The following EXOC4 variants were observed in gnomAD, a reference collection of about 807,000 sequenced individuals.
The protein encoded by EXOC4 is exocyst complex component 4, also known as SEC8-like 1.
EXOC4 carries 71 observed loss-of-function variants against 107.2 expected under a neutral mutation model. The ratio of observed to expected loss-of-function variants is 0.66; its 90% CI spans 0.55 to 0.81. The LOEUF (loss-of-function observed/expected upper bound fraction) is 0.81, where lower values mean the gene tolerates loss of function less well. Among genes scored for constraint, EXOC4 ranks in the 30% least tolerant of loss-of-function variants. The pLI, the probability that EXOC4 is intolerant of heterozygous loss-of-function variation, is 0.00. For missense variants in EXOC4, 1,108 were observed against 1,189.6 expected (o/e 0.93, Z 1.01); for synonymous variants, 456 against 441.2 (o/e 1.03, Z -0.42).
At chr7:133,483,845 T>C (rs1799212174) in intron 9 of EXOC4, among the ~76,000 whole-genome samples, 1 of 152,218 alleles carries the variant, frequency 6.6e-6, no homozygotes, top group South Asian at 2.1e-4. Flanking sequence ...TTTTCAGTTA[T>C]TCCATTAATG....
chr7:133,430,054 A>C (rs1452543500), intron 7 of EXOC4, among the ~76,000 whole-genome samples: 2 of 152,010 alleles, frequency 1.3e-5, no homozygotes, highest in Non-Finnish European at 1.5e-5. Context: ...TTGGTACCTG[A>C]GTTTTTGTCT....
chr7:133,619,939 C>T (rs1802284900), intron 9 of EXOC4, among the ~76,000 whole-genome samples: 1 of 151,778 alleles, frequency 6.6e-6, no homozygotes, highest in South Asian at 2.1e-4. Flanking sequence ...AATATTAATA[C>T]TTTCTTTCTC....
chr7:133,835,782 G>A (rs370858192), intron 11 of EXOC4, among the ~76,000 whole-genome samples: 6 of 152,026 alleles, frequency 3.9e-5, no homozygotes, highest in African/African-American at 9.6e-5. Flanking sequence ...TTATATTGTC[G>A]GCTTTTTATG....
At chr7:133,972,818 TG>T (rs1235230814) in intron 14 of EXOC4, among the ~76,000 whole-genome samples, 3 of 152,202 alleles carry the variant, frequency 2.0e-5, no homozygotes, top group African/African-American at 7.2e-5. Context: ...TCCCTGTTTT[TG>T]CCTTTGATCT....
chr7:134,068,595 G>T (rs770757148), downstream of EXOC4, among the ~76,000 whole-genome samples: 18 of 152,164 alleles, frequency 1.2e-4, no homozygotes, highest in Non-Finnish European at 1.9e-4. Context: ...TATAGGGGCT[G>T]TATCTTGCCC....
intron 9 of EXOC4, among the ~76,000 whole-genome samples, chr7:133,497,266 A>G (rs1006220394): frequency 6.6e-6 from 1 of 152,072 alleles, no homozygotes; most frequent in South Asian, 2.1e-4. Flanking sequence ...GAGATCATCA[A>G]TTTTTGTTTT....
chr7:133,390,885 C>A (rs1415801280), intron 7 of EXOC4, among the ~76,000 whole-genome samples: 1 of 152,128 alleles, frequency 6.6e-6, no homozygotes, highest in Non-Finnish European at 1.5e-5. Flanking sequence ...AGAAGGATGG[C>A]AAAATAAATG....
intron 9 of EXOC4, among the ~76,000 whole-genome samples, chr7:133,619,496 T>C (rs1007976332): frequency 6.6e-6 from 1 of 152,206 alleles, no homozygotes; most frequent in Non-Finnish European, 1.5e-5. Flanking sequence ...TGTTTTCAGT[T>C]TGAGGTTTAT....
chr7:133,778,205 G>T lies in EXOC4; in HGVS notation c.1515-39120G>T, dbSNP rs2542255. Reference sequence around the variant, plus strand: ...CTCCATCTCTTGATGCTTATCTTAGGGGGGGTAATTAGTGAGAAAAGAAAA... The same window carrying T: ...CTCCATCTCTTGATGCTTATCTTAGTGGGGGTAATTAGTGAGAAAAGAAAA... On this transcript the variant is annotated intron_variant, in intron 10 of 17. Coordinates refer to ENST00000253861, the MANE Select transcript of EXOC4 (RefSeq NM_021807.4). 8.5e-5 allele frequency among the ~76,000 whole-genome samples: 13 copies of T among 152,184 alleles called. 1 individual carries two copies. The South Asian group carries it at 1.2e-3, about 15-fold the overall frequency.
At chr7:133,907,032 A>G (rs1799582479) in intron 12 of EXOC4, among the ~76,000 whole-genome samples, 1 of 152,160 alleles carries the variant, frequency 6.6e-6, no homozygotes, top group Non-Finnish European at 1.5e-5. Context: ...GCCAGCCACC[A>G]TCTTGGGAGC....
At chr7:133,827,917 A>G (rs562626787) in intron 11 of EXOC4, among the ~76,000 whole-genome samples, 25 of 152,290 alleles carry the variant, frequency 1.6e-4, no homozygotes, top group Non-Finnish European at 2.6e-4. Context: ...AATGACATCA[A>G]TATAGGGATA....
intron 10 of EXOC4, among the ~76,000 whole-genome samples, chr7:133,761,914 C>T (rs1796040604): frequency 6.6e-6 from 1 of 152,174 alleles, no homozygotes; most frequent in Admixed American, 6.6e-5. Flanking sequence ...TGACATGAGA[C>T]TTCACTGAAG....
At chr7:133,330,601 GAA>G (rs1795359147) in intron 5 of EXOC4, among the ~76,000 whole-genome samples, 1 of 152,162 alleles carries the variant, frequency 6.6e-6, no homozygotes, top group Non-Finnish European at 1.5e-5. Flanking sequence ...AAGACTGTGA[GAA>G]AAGTTCAGTA....
At chr7:134,061,437 G>A (rs143313498) in intron 17 of EXOC4, among the ~76,000 whole-genome samples, 50 of 152,310 alleles carry the variant, frequency 3.3e-4, no homozygotes, top group African/African-American at 1.1e-3. Flanking sequence ...ACTGAGTCGT[G>A]GCTGGTTCAG....
chr7:133,634,477 TTTTG>T (rs1471429490), intron 10 of EXOC4, among the ~76,000 whole-genome samples: 8 of 152,066 alleles, frequency 5.3e-5, no homozygotes, highest in Non-Finnish European at 7.4e-5. Flanking sequence ...ATAGTTTTTT[TTTTG>T]TTTGTTTTTG....
intron 10 of EXOC4, 83 bp from the exon 11 acceptor site, chr7:133,817,242 C>A: frequency 1.1e-6 from 1 of 912,094 alleles, no homozygotes; most frequent in Non-Finnish European, 1.7e-6. Flanking sequence ...ATAGCCAACA[C>A]TAGATATACT....
At chr7:133,344,653 G>A (rs747918774) in intron 5 of EXOC4, among the ~76,000 whole-genome samples, 5 of 151,970 alleles carry the variant, frequency 3.3e-5, no homozygotes, top group South Asian at 2.1e-4. Context: ...CAGAAGCTAC[G>A]TGTTTCAAAA....
intron 9 of EXOC4, among the ~76,000 whole-genome samples, chr7:133,525,063 G>A (rs1003172431): frequency 9.2e-5 from 14 of 152,144 alleles, no homozygotes; most frequent in African/African-American, 2.9e-4. Flanking sequence ...TCTTGTAAGT[G>A]TAACATATAG....
At position 133,356,585 on chromosome 7, in the gene EXOC4, T is replaced by G. The variant is rs1796026183; in HGVS notation, c.1007+12T>G. 6.2e-7 allele frequency: 1 copy of G among 1,612,352 alleles called. No individual in the cohort carries two copies. The highest frequency in any genetic ancestry group is 1.3e-5 in the African/African-American group (1 of 74,722). On this transcript the variant is annotated intron_variant, in intron 6 of 17. Coordinates refer to ENST00000253861, the MANE Select transcript of EXOC4 (RefSeq NM_021807.4). The stretch of plus-strand genomic sequence containing the variant: ...GAGAACCAACCAAGGTAGGTGGGAG[T>G]GTATTTTGTATTTTTGACAACTCTA...
Sources: gnomAD v4.1 joint callset for allele counts (sites outside exome capture counted in the v4.1 genomes callset) on GRCh38, gnomAD v4.1.1 for gene constraint, MANE v1.5 for transcripts, NCBI Gene and HGNC (gene_info 2026-07-23, HGNC 2026-07-21) for gene names.